MPP7: variants seen among roughly 807,000 people sequenced by gnomAD.
The protein encoded by MPP7 is MAGUK p55 subfamily member 7.
A neutral mutation model predicts 76.5 loss-of-function variants in MPP7; 60 were observed. The ratio of observed to expected loss-of-function variants is 0.78; its 90% CI spans 0.64 to 0.97. The LOEUF is 0.97. MPP7 is among the 50% of genes least tolerant of loss of function. The probability of loss-of-function intolerance (pLI) is 0.00; values close to 1 mark genes in which losing one functional copy is unlikely to be tolerated. For missense variants in MPP7, 641 were observed against 694.0 expected (o/e 0.92, Z 0.86); for synonymous variants, 237 against 244.5 (o/e 0.97, Z 0.29).
intron 11 of MPP7, 76 bp downstream of exon 11, chr10:28,119,575 G>T (rs1564639991): frequency 2.5e-6 from 3 of 1,213,528 alleles, no homozygotes; most frequent in Non-Finnish European, 3.7e-6. Flanking sequence ...CCTTTGTTCT[G>T]CCATGAGCAC....
At position 28,075,446 on chromosome 10, in the gene MPP7, G is replaced by A. The variant is rs144255576; in HGVS notation, c.1124-5594C>T. 2.0e-4 allele frequency among the ~76,000 whole-genome samples: 30 copies of A among 152,142 alleles called. No individual in the cohort carries two copies. In the East Asian group the frequency reaches 5.8e-3, roughly 29 times the overall value. On this transcript the variant is annotated intron_variant, in intron 12 of 16. Transcript: ENST00000683449. Reference sequence around the variant, plus strand: ...AACTTCTCACCAGCACCTCCCACTTGTCTTATCCTGTGTCCACAGTCAAGT... The same window carrying A: ...AACTTCTCACCAGCACCTCCCACTTATCTTATCCTGTGTCCACAGTCAAGT...
At position 28,161,140 on chromosome 10, in the gene MPP7, C is replaced by T. The variant is rs370091167; in HGVS notation, c.157-11081G>A. On this transcript the variant is annotated intron_variant, in intron 3 of 16. Coordinates refer to ENST00000683449, the MANE Select transcript of MPP7 (RefSeq NM_001318170.2). ...TTATCATCTTCTTTTATTTATGGCA[C>T]TATTTCAAAATCGTCCTTTCACACA... 2.6e-5 allele frequency among the ~76,000 whole-genome samples: 4 copies of T among 152,178 alleles called. No individual in the cohort carries two copies. In the East Asian group the frequency reaches 7.7e-4, roughly 29 times the overall value.
chr10:28,253,468 G>C (rs1486035495), intron 1 of MPP7, among the ~76,000 whole-genome samples: 1 of 152,198 alleles, frequency 6.6e-6, no homozygotes, highest in Non-Finnish European at 1.5e-5. Flanking sequence ...TCCAGGTTTG[G>C]ATTAATCAGA....
intron 2 of MPP7, chr10:28,203,225 G>T (rs962397857): frequency 6.6e-6 from 1 of 152,106 alleles, no homozygotes; most frequent in Non-Finnish European, 1.5e-5. Context: ...CAACACATGG[G>T]ACTGTTGTTA....
At position 28,314,316 on chromosome 10, in the gene MPP7, T is replaced by C. The variant is rs1376639479; in HGVS notation, c.-132+15613A>G. On this transcript the variant is annotated intron_variant, in intron 2 of 11. Transcript: ENST00000441595. ...TTCTGATTTGTGCATTTGCAATCATTGTCAAAACAGGCATTTGCCTCAGGC... is the reference window on the plus strand; with the variant it reads ...TTCTGATTTGTGCATTTGCAATCATCGTCAAAACAGGCATTTGCCTCAGGC... Among the ~76,000 whole-genome samples the C allele has an allele frequency of 2.6e-5, 4 of 152,200 alleles. No individual in the cohort carries two copies. The East Asian group carries it at 7.7e-4, about 29-fold the overall frequency.
In MPP7 at chr10:28,054,116, G is replaced by A; in HGVS notation, c.1680C>T (p.Asp560=). Residue 560 remains aspartate (D), a synonymous_variant, in exon 17 of 17, where the codon GAC becomes GAT. Coordinates refer to ENST00000683449, the MANE Select transcript of MPP7 (RefSeq NM_001318170.2). ...CCCAATGGGTCTCTGTCTCTAATTT[G>A]TCAAAAGTTGTTTTGAGCTCATTGA... ...VAFNELKTTF[D]KLETETHWVP... is the part of the protein sequence containing the mutation. The A allele has an allele frequency of 2.5e-6, 4 of 1,613,626 alleles. No homozygotes were observed. The highest frequency in any genetic ancestry group is 3.4e-6 in the Non-Finnish European group (4 of 1,179,810).
At chr10:28,198,964 A>T (rs1837680457) in intron 3 of MPP7, among the ~76,000 whole-genome samples, 1 of 152,110 alleles carries the variant, frequency 6.6e-6, no homozygotes, top group Non-Finnish European at 1.5e-5. Flanking sequence ...CACATACCTG[A>T]GACTGGGTAA....
At chr10:28,187,650 G>T (rs1438722836) in intron 3 of MPP7, among the ~76,000 whole-genome samples, 1 of 151,984 alleles carries the variant, frequency 6.6e-6, no homozygotes, top group Non-Finnish European at 1.5e-5. Flanking sequence ...TTTCTAAAAG[G>T]GCCTATTCCA....
At chr10:28,202,102 T>A in intron 3 of MPP7, 51 bp downstream of exon 3, 1 of 1,307,046 alleles carries the variant, frequency 7.7e-7, no homozygotes, top group South Asian at 1.2e-5. Flanking sequence ...GTGCCCCAAA[T>A]ATTTTTCCAT....
chr10:28,051,770 G>A lies in MPP7; in HGVS notation c.*2295C>T, dbSNP rs772096695. On this transcript the variant is annotated 3_prime_UTR_variant, in exon 17 of 17. Coordinates refer to ENST00000683449, the MANE Select transcript of MPP7 (RefSeq NM_001318170.2). ...CACTGTTTTTAAGACCACGTCTACC[G>A]GCTGGGCACGGTGGATCATGCCTGT... is the stretch of plus-strand genomic sequence containing the variant. The A allele has an allele frequency of 4.0e-5, 6 of 151,748 alleles. No individual in the cohort carries two copies. Among genetic ancestry groups the A allele is most frequent in the South Asian group, 2.1e-4 (1 of 4,804 alleles). 9.4% of individuals were successfully genotyped at this position (151,748 alleles called of 1,614,324 possible).
At chr10:28,104,551 G>A (rs1365956468) in intron 11 of MPP7, among the ~76,000 whole-genome samples, 1 of 152,116 alleles carries the variant, frequency 6.6e-6, no homozygotes, top group Non-Finnish European at 1.5e-5. Flanking sequence ...ATTTTCTCAA[G>A]CTATTTGTAA....
At chr10:28,146,488 G>T (rs10826407) in intron 5 of MPP7, among the ~76,000 whole-genome samples, 1 of 149,062 alleles carries the variant, frequency 6.7e-6, no homozygotes, top group Admixed American at 6.7e-5. Context: ...TGCAAGCTCC[G>T]CCTCCCAGGT....
intron 11 of MPP7, among the ~76,000 whole-genome samples, chr10:28,116,351 A>G (rs184288799): frequency 6.6e-6 from 1 of 152,188 alleles, no homozygotes; most frequent in Non-Finnish European, 1.5e-5. Flanking sequence ...GCAGAAAATT[A>G]GAATACTTTA....
Position 28,284,427 on chromosome 10 carries a change from C to G in MPP7, c.-132+18434G>C, listed in dbSNP as rs373695225. Among the ~76,000 whole-genome samples the G allele has an allele frequency of 1.6e-4, 25 of 152,280 alleles. No homozygotes were observed. In the South Asian group the frequency reaches 5.0e-3, roughly 30 times the overall value. ...TGGCCTGAAGCAGGAGGACCTGTTT[C>G]AAGTCACAGGCAGCATTAGCAGGAA... On this transcript the variant is annotated intron_variant, in intron 1 of 16. Transcript: ENST00000683449.
intron 2 of MPP7, among the ~76,000 whole-genome samples, chr10:28,317,367 AAAAT>A (rs1255889332): frequency 6.6e-6 from 1 of 152,070 alleles, no homozygotes; most frequent in Non-Finnish European, 1.5e-5. Context: ...ATCTTTACCA[AAAAT>A]AAATAAATAA....
intron 1 of MPP7, among the ~76,000 whole-genome samples, chr10:28,299,233 T>C (rs762654434): frequency 9.9e-5 from 15 of 152,214 alleles, no homozygotes; most frequent in Non-Finnish European, 1.6e-4. Context: ...CACTCATTTG[T>C]AGCTTTTTGA....
At chr10:28,324,968 C>G (rs1426744624) in intron 2 of MPP7, among the ~76,000 whole-genome samples, 1 of 152,212 alleles carries the variant, frequency 6.6e-6, no homozygotes, top group Non-Finnish European at 1.5e-5. Flanking sequence ...TCACAGCTCG[C>G]TGCAGCCTTG....
In MPP7 at chr10:28,145,975, T is replaced by C. The variant is rs545552900; in HGVS notation, c.315+1508A>G. Reference sequence around the variant, plus strand: ...CCATTTGAAACACTCTTGAACCAAATACCATAATCGGGGATTTTTTTTGTC... The same window carrying C: ...CCATTTGAAACACTCTTGAACCAAACACCATAATCGGGGATTTTTTTTGTC... On this transcript the variant is annotated intron_variant, in intron 5 of 16. Coordinates refer to ENST00000683449, the MANE Select transcript of MPP7 (RefSeq NM_001318170.2). 2.6e-5 allele frequency among the ~76,000 whole-genome samples: 4 copies of C among 152,290 alleles called. No individual in the cohort carries two copies. In the South Asian group the frequency reaches 8.3e-4, roughly 32 times the overall value.
intron 1 of MPP7, among the ~76,000 whole-genome samples, chr10:28,293,982 ATTCAGCAAGCCGAGAGATGAGATC>A (rs1840982052): frequency 1.3e-5 from 2 of 152,220 alleles, no homozygotes; most frequent in Admixed American, 1.3e-4. Flanking sequence ...TGAACCAGGC[ATTCAGCAAGCCGAGAGATGAGATC>A]CCAAAGAATT....
Sources: allele counts gnomAD v4.1 joint callset (sites outside exome capture counted in the v4.1 genomes callset), GRCh38; gene constraint gnomAD v4.1.1; transcripts MANE v1.5; gene names NCBI Gene and HGNC (gene_info 2026-07-23, HGNC 2026-07-21).